The following DAP variants were observed in gnomAD, a reference collection of about 807,000 sequenced individuals.
The protein encoded by DAP is death-associated protein 1.
DAP carries 8 observed loss-of-function variants against 13.8 expected under a neutral mutation model. That is an observed-to-expected ratio of 0.58 (90% CI 0.34 to 1.05). The LOEUF is 1.05. Among genes scored for constraint, DAP ranks in the 50% least tolerant of loss-of-function variants. The pLI is 0.03. For missense variants in DAP, 106 were observed against 133.2 expected (o/e 0.80, Z 1.01); for synonymous variants, 47 against 47.5 (o/e 0.99, Z 0.04).
intron 2 of DAP, among the ~76,000 whole-genome samples, chr5:10,685,682 C>T (rs1738138526): frequency 6.6e-6 from 1 of 152,194 alleles, no homozygotes; most frequent in South Asian, 2.1e-4. Context: ...AGCAGGAGTG[C>T]ACAGTGGCTT....
chr5:10,712,545 T>TTCTGAGATTCTTCTG (rs1738880119), intron 2 of DAP, among the ~76,000 whole-genome samples: 1 of 151,816 alleles, frequency 6.6e-6, no homozygotes, highest in Non-Finnish European at 1.5e-5. Context: ...TTCTGCCGAG[T>TTCTGAGATTCTTCTG]AGATTCTGGC....
At position 10,697,799 on chromosome 5, in the gene DAP, C is replaced by T. The variant is rs5745248; in HGVS notation, c.153-14228G>A. On this transcript the variant is annotated intron_variant, in intron 2 of 3. Coordinates refer to ENST00000230895, the MANE Select transcript of DAP (RefSeq NM_004394.3). ...TCTGGTCTGAGTCTACTTCCATCTCCGGAAGCACAGGTGGCTGACCTTAAA... is the reference window on the plus strand; with the variant it reads ...TCTGGTCTGAGTCTACTTCCATCTCTGGAAGCACAGGTGGCTGACCTTAAA... 4.8e-3 allele frequency among the ~76,000 whole-genome samples: 726 copies of T among 152,250 alleles called. 23 individuals are homozygous for T. The highest frequency in any genetic ancestry group is 0.042 in the Admixed American group (647 of 15,296).
In DAP at chr5:10,761,209, C is replaced by T. The variant is rs1173568954; in HGVS notation, c.-141G>A. On this transcript the variant is annotated 5_prime_UTR_variant, in exon 1 of 4. Transcript: ENST00000230895. Reference sequence around the variant, plus strand: ...GCGCGCGTGGGGCGCCGGGGCCGCGCGAGCCGGGTGAGTGCCACTGCCGTT... The same window carrying T: ...GCGCGCGTGGGGCGCCGGGGCCGCGTGAGCCGGGTGAGTGCCACTGCCGTT... 6.6e-6 allele frequency: 2 copies of T among 301,072 alleles called. No homozygotes were observed. Among genetic ancestry groups the T allele is most frequent in the East Asian group, 8.8e-5 (1 of 11,422 alleles). The allele number at this position is 301,072 out of a possible 1,614,324, so 18.7% of individuals were successfully genotyped here.
At chr5:10,692,942 G>A (rs1322602004) in intron 2 of DAP, among the ~76,000 whole-genome samples, 1 of 152,168 alleles carries the variant, frequency 6.6e-6, no homozygotes, top group Admixed American at 6.5e-5. Flanking sequence ...ACCCTGGAGA[G>A]CTTCTGCACT....
At chr5:10,699,243 C>T (rs1738506058) in intron 2 of DAP, among the ~76,000 whole-genome samples, 1 of 152,230 alleles carries the variant, frequency 6.6e-6, no homozygotes, top group Non-Finnish European at 1.5e-5. Context: ...AAGTATCAAG[C>T]ATGCCTGAAA....
At chr5:10,736,864 C>G (rs1206801606) in intron 2 of DAP, among the ~76,000 whole-genome samples, 1 of 152,218 alleles carries the variant, frequency 6.6e-6, no homozygotes, top group Non-Finnish European at 1.5e-5. Context: ...TGGAAGAGGC[C>G]TCTCAGTCCA....
intron 2 of DAP, chr5:10,733,957 G>T (rs1377688667): frequency 6.6e-6 from 1 of 151,992 alleles, no homozygotes; most frequent in East Asian, 1.9e-4. Context: ...ACTCAATAAG[G>T]GCTCTTACTT....
Position 10,758,432 on chromosome 5 carries a change from T to C in DAP, c.55+2582A>G, listed in dbSNP as rs1414593902. Among the ~76,000 whole-genome samples, 4 of 91,356 alleles carry C rather than the reference T, an allele frequency of 4.4e-5. No individual in the cohort carries two copies. The East Asian group carries it at 1.3e-3, about 30-fold the overall frequency. The allele number at this position is 91,356 out of a possible 152,430, so 59.9% of individuals were successfully genotyped here. A position where few individuals can be genotyped will look rare whatever the true frequency, so the allele number is the denominator to read the frequency against. On this transcript the variant is annotated intron_variant, in intron 1 of 3. Coordinates refer to ENST00000230895, the MANE Select transcript of DAP (RefSeq NM_004394.3). Reference sequence around the variant, plus strand: ...AGGGGTGCTGTTGGCATTTGAGGGATGCTGCTGGCATTTGAGGGGTGCTGC... The same window carrying C: ...AGGGGTGCTGTTGGCATTTGAGGGACGCTGCTGGCATTTGAGGGGTGCTGC...
intron 2 of DAP, 35 bp from the exon 3 acceptor site, chr5:10,683,606 A>G (rs780227119): frequency 5.0e-6 from 8 of 1,607,102 alleles, no homozygotes; most frequent in Admixed American, 3.3e-5. Flanking sequence ...AGATTTAACA[A>G]AACAGTCCAC....
At chr5:10,721,373 C>A (rs538968274) in intron 2 of DAP, among the ~76,000 whole-genome samples, 1 of 152,262 alleles carries the variant, frequency 6.6e-6, no homozygotes, top group South Asian at 2.1e-4. Flanking sequence ...CCAGGAGACA[C>A]AACAATGATT....
Position 10,680,659 on chromosome 5 carries a change from A to G in DAP, c.*397T>C. On this transcript the variant is annotated 3_prime_UTR_variant, in exon 4 of 4. Coordinates refer to ENST00000230895, the MANE Select transcript of DAP (RefSeq NM_004394.3). The stretch of plus-strand genomic sequence containing the variant: ...GTTGAGATTTTATTGGCCCATACTA[A>G]AAAGCATGCAATGACTGAGGTTTTC... 7.4e-7 allele frequency: 1 copy of G among 1,355,718 alleles called. No homozygotes were observed. The highest frequency in any genetic ancestry group is 1.0e-6 in the Non-Finnish European group (1 of 998,554). 84.0% of individuals were successfully genotyped at this position (1,355,718 alleles called of 1,614,324 possible). A position where few individuals can be genotyped will look rare whatever the true frequency, so the allele number is the denominator to read the frequency against.
intron 2 of DAP, among the ~76,000 whole-genome samples, chr5:10,737,421 G>C (rs1739642959): frequency 1.3e-5 from 2 of 151,892 alleles, no homozygotes; most frequent in South Asian, 2.1e-4. Flanking sequence ...CCGGTGCTCA[G>C]CATCCCTGGT....
chr5:10,760,526 T>C (rs1489996016), intron 1 of DAP, among the ~76,000 whole-genome samples: 1 of 152,218 alleles, frequency 6.6e-6, no homozygotes, highest in Admixed American at 6.5e-5. Context: ...GAAAGTCATA[T>C]TGAGTGATTA....
At position 10,709,732 on chromosome 5, in the gene DAP, C is replaced by G. The variant is rs751006476; in HGVS notation, c.153-26161G>C. Among the ~76,000 whole-genome samples, 5 of 152,196 alleles carry G rather than the reference C, an allele frequency of 3.3e-5. No individual in the cohort carries two copies. In the East Asian group the frequency reaches 9.6e-4, roughly 29 times the overall value. ...CTTGGAACTCTGCTGCACAGCAGGG[C>G]TCCCACCCTCCACAAGGGCATTGAA... On this transcript the variant is annotated intron_variant, in intron 2 of 3. Coordinates refer to ENST00000230895, the MANE Select transcript of DAP (RefSeq NM_004394.3).
In DAP at chr5:10,761,144, G is replaced by C; in HGVS notation, c.-76C>G. 4 of 871,492 alleles carry C rather than the reference G, an allele frequency of 4.6e-6. No individual in the cohort carries two copies. Among genetic ancestry groups the C allele is most frequent in the Non-Finnish European group, 6.0e-6 (4 of 671,634 alleles). The allele number at this position is 871,492 out of a possible 1,614,324, so 54.0% of individuals were successfully genotyped here. A position where few individuals can be genotyped will look rare whatever the true frequency, so the allele number is the denominator to read the frequency against. ...GGGCGGGCGTGCGCGAGTGAGCTCA[G>C]GTGTGAGCGCCGGGGAGCGAGCGGG... On this transcript the variant is annotated 5_prime_UTR_variant, in exon 1 of 4. Coordinates refer to ENST00000230895, the MANE Select transcript of DAP (RefSeq NM_004394.3).
At chr5:10,758,716 C>T (rs1488824108) in intron 1 of DAP, among the ~76,000 whole-genome samples, 1 of 152,184 alleles carries the variant, frequency 6.6e-6, no homozygotes, top group African/African-American at 2.4e-5. Flanking sequence ...CCCAGTGAAG[C>T]GTGAAGTGAT....
intron 2 of DAP, among the ~76,000 whole-genome samples, chr5:10,685,923 C>G (rs1330142550): frequency 6.7e-6 from 1 of 149,852 alleles, no homozygotes; most frequent in Non-Finnish European, 1.5e-5. Context: ...CTCCCCTCTA[C>G]AGACACACAC....
At position 10,739,734 on chromosome 5, in the gene DAP, AC is replaced by A. The variant is rs1739708440; in HGVS notation, c.152+8440del. 5.9e-5 allele frequency among the ~76,000 whole-genome samples: 9 copies of A among 151,966 alleles called. No individual in the cohort carries two copies. In the South Asian group the frequency reaches 1.9e-3, roughly 32 times the overall value. On this transcript the variant is annotated intron_variant, in intron 2 of 3. Coordinates refer to ENST00000230895, the MANE Select transcript of DAP (RefSeq NM_004394.3). ...TGATATTTGTGAGGTCTTGAATCTA[AC>A]TTAAGCAGCAATACAGCCCAGGCCC...
intron 2 of DAP, among the ~76,000 whole-genome samples, chr5:10,694,885 ACT>A (rs1738395816): frequency 6.6e-6 from 1 of 151,844 alleles, no homozygotes; most frequent in East Asian, 2.0e-4. Context: ...AAATTCCAAA[ACT>A]CTTGTTTTGA....
Sources: gnomAD v4.1 joint callset for allele counts (sites outside exome capture counted in the v4.1 genomes callset) on GRCh38, gnomAD v4.1.1 for gene constraint, MANE v1.5 for transcripts, NCBI Gene and HGNC (gene_info 2026-07-23, HGNC 2026-07-21) for gene names.